ACTN4: variants seen among roughly 807,000 people sequenced by gnomAD.
ACTN4 encodes the protein alpha-actinin-4.
ACTN4 carries 18 observed loss-of-function variants against 114.2 expected under a neutral mutation model. The ratio of observed to expected loss-of-function variants is 0.16; its 90% CI spans 0.11 to 0.23. The LOEUF is 0.23. Among genes scored for constraint, ACTN4 ranks in the 10% least tolerant of loss-of-function variants. The pLI, the probability that ACTN4 is intolerant of heterozygous loss-of-function variation, is 1.00. For missense variants in ACTN4, 722 were observed against 1,262.9 expected (o/e 0.57, Z 6.49); for synonymous variants, 515 against 506.3 (o/e 1.02, Z -0.23).
At chr19:38,664,426 T>C (rs1966895369) in intron 1 of ACTN4, among the ~76,000 whole-genome samples, 1 of 152,162 alleles carries the variant, frequency 6.6e-6, no homozygotes, top group African/African-American at 2.4e-5. Flanking sequence ...GTAGCGGCGC[T>C]TGCCTCTTTG....
chr19:38,701,729 G>T (rs943556133), intron 3 of ACTN4, among the ~76,000 whole-genome samples: 4 of 152,240 alleles, frequency 2.6e-5, no homozygotes, highest in Non-Finnish European at 1.5e-5. Context: ...CAGGCTCTCA[G>T]CAGGGGCCCC....
chr19:38,673,649 ATATATTTATATATATTATATATATT>A (rs1967252667), intron 1 of ACTN4, among the ~76,000 whole-genome samples: 3 of 51,534 alleles, frequency 5.8e-5, no homozygotes, highest in African/African-American at 2.0e-4. Context: ...ATATATATTT[ATATATTTATATATATTATATATATT>A]TATATATTTA....
chr19:38,662,838 AG>A (rs1448496589), intron 1 of ACTN4, among the ~76,000 whole-genome samples: 4 of 151,860 alleles, frequency 2.6e-5, no homozygotes, highest in Admixed American at 6.6e-5. Flanking sequence ...AAGACATAAA[AG>A]GTCCTTTGAA....
At chr19:38,679,568 C>CGCGTGTGTGTGT (rs1555827861) in intron 1 of ACTN4, among the ~76,000 whole-genome samples, 1 of 145,420 alleles carries the variant, frequency 6.9e-6, no homozygotes, top group Admixed American at 6.9e-5. Context: ...TTTGGGTGTG[C>CGCGTGTGTGTGT]GTGTGTGTGT....
intron 1 of ACTN4, among the ~76,000 whole-genome samples, chr19:38,656,171 G>A (rs1322700832): frequency 6.6e-6 from 1 of 152,138 alleles, no homozygotes; most frequent in African/African-American, 2.4e-5. Flanking sequence ...CTGGAGTGCA[G>A]TGGAACAATC....
At chr19:38,694,441 G>A (rs879617477) in intron 1 of ACTN4, among the ~76,000 whole-genome samples, 2 of 151,990 alleles carry the variant, frequency 1.3e-5, no homozygotes, top group South Asian at 2.1e-4. Flanking sequence ...TGTATTTTTA[G>A]TAGAGACGAG....
chr19:38,704,508 G>A lies in ACTN4; in HGVS notation c.398-426G>A, dbSNP rs528232709. 2.0e-5 allele frequency among the ~76,000 whole-genome samples: 3 copies of A among 152,400 alleles called. No homozygotes were observed. In the East Asian group the frequency reaches 5.8e-4, roughly 29 times the overall value. ...CTGCGAGATGAAAAAGACCACCTTTGCCCTGAGAGTGGGGGCCCGGGGTGC... is the reference window on the plus strand; with the variant it reads ...CTGCGAGATGAAAAAGACCACCTTTACCCTGAGAGTGGGGGCCCGGGGTGC... On this transcript the variant is annotated intron_variant, in intron 3 of 20. Transcript: ENST00000252699.
chr19:38,719,879 C>T (rs2145074154), intron 11 of ACTN4, among the ~76,000 whole-genome samples: 1 of 152,352 alleles, frequency 6.6e-6, no homozygotes. Context: ...GGCTCTGGGG[C>T]AGCCTTCACC....
At chr19:38,684,731 A>G (rs1394642172) in intron 1 of ACTN4, among the ~76,000 whole-genome samples, 1 of 152,024 alleles carries the variant, frequency 6.6e-6, no homozygotes, top group Admixed American at 6.5e-5. Context: ...CTCTTTGGCT[A>G]TAGAATCCTA....
At position 38,728,449 on chromosome 19, in the gene ACTN4, C is replaced by CCTCCTA. The variant is rs1969334262; in HGVS notation, c.2418+424_2418+425insTCCTAC. 5.8e-6 allele frequency: 6 copies of CCTCCTA among 1,043,116 alleles called. No individual in the cohort carries two copies. The South Asian group carries it at 8.7e-5, about 15-fold the overall frequency. The allele number at this position is 1,043,116 out of a possible 1,614,324, so 64.6% of individuals were successfully genotyped here. On this transcript the variant is annotated intron_variant, in intron 19 of 20. Coordinates refer to ENST00000252699, the MANE Select transcript of ACTN4 (RefSeq NM_004924.6). ...TCCTCCTCCTCCTCCTCCTCCTCCT[C>CCTCCTA]CCCCCCACCTCTCCCCCTCACCGCC...
chr19:38,711,501 C>T (rs533789230), intron 8 of ACTN4: 3 of 287,878 alleles, frequency 1.0e-5, no homozygotes, highest in South Asian at 2.6e-4. Context: ...CCCTGCCGGC[C>T]TCTGACTCGG....
intron 9 of ACTN4, 148 bp from the exon 10 acceptor site, chr19:38,716,938 C>T (rs1427333698): frequency 4.6e-6 from 4 of 861,402 alleles, no homozygotes; most frequent in East Asian, 2.6e-5. Flanking sequence ...TAGCAGGAAT[C>T]GTGGAGAAGT....
intron 1 of ACTN4, among the ~76,000 whole-genome samples, chr19:38,671,243 C>G (rs1268214151): frequency 1.3e-5 from 2 of 152,194 alleles, no homozygotes; most frequent in Non-Finnish European, 2.9e-5. Context: ...GTTGACTCCT[C>G]AAAATTCCTC....
intron 1 of ACTN4, among the ~76,000 whole-genome samples, chr19:38,695,407 G>A (rs2144972396): frequency 6.6e-6 from 1 of 152,312 alleles, no homozygotes; most frequent in Non-Finnish European, 1.5e-5. Flanking sequence ...CAGAGGGCTG[G>A]CAGCTCTGGT....
intron 1 of ACTN4, among the ~76,000 whole-genome samples, chr19:38,653,088 A>G (rs1457011849): frequency 6.6e-6 from 1 of 151,080 alleles, no homozygotes; most frequent in Non-Finnish European, 1.5e-5. Flanking sequence ...TCCATCTCAA[A>G]AAAAAAAAAA....
intron 1 of ACTN4, among the ~76,000 whole-genome samples, chr19:38,658,782 G>A (rs1976784786): frequency 6.6e-6 from 1 of 152,178 alleles, no homozygotes; most frequent in Admixed American, 6.5e-5. Context: ...TCAAGTCCTG[G>A]AAGGTATCCA....
chr19:38,666,040 T>A (rs970145541), intron 1 of ACTN4, among the ~76,000 whole-genome samples: 2 of 152,122 alleles, frequency 1.3e-5, no homozygotes, highest in African/African-American at 2.4e-5. Flanking sequence ...CACAGGAGCC[T>A]GTGCCCAGCT....
intron 8 of ACTN4, among the ~76,000 whole-genome samples, chr19:38,713,666 C>T (rs924786605): frequency 2.8e-4 from 42 of 152,222 alleles, no homozygotes; most frequent in Non-Finnish European, 4.9e-4. Context: ...GGCTCTGAGC[C>T]GTTGGCCAAG....
chr19:38,730,545 A>ATCTT lies in ACTN4; in HGVS notation c.*1115_*1118dup. On this transcript the variant is annotated 3_prime_UTR_variant, in exon 21 of 21. Transcript: ENST00000252699. ...TTTTAAGAAGGATTCCTGCAGCATC[A>ATCTT]TCTTTTTTTATTTCTCCTGTGTCTG... 2.1e-6 allele frequency: 1 copy of ATCTT among 465,408 alleles called. No homozygotes were observed. Among genetic ancestry groups the ATCTT allele is most frequent in the Non-Finnish European group, 3.9e-6 (1 of 259,258 alleles). The allele number at this position is 465,408 out of a possible 1,614,324, so 28.8% of individuals were successfully genotyped here.
Sources: gnomAD v4.1 joint callset for allele counts (sites outside exome capture counted in the v4.1 genomes callset) on GRCh38, gnomAD v4.1.1 for gene constraint, MANE v1.5 for transcripts, NCBI Gene and HGNC (gene_info 2026-07-23, HGNC 2026-07-21) for gene names.